Variants in MEGF6 observed in about 807,000 individuals in gnomAD.
The protein encoded by MEGF6 is multiple EGF like domains 6.
MEGF6 carries 184 observed loss-of-function variants against 207.1 expected under a neutral mutation model. The observed-to-expected ratio is 0.89, with a 90% confidence interval of 0.79 to 1.00. The LOEUF (loss-of-function observed/expected upper bound fraction) is 1.00. Among genes scored for constraint, MEGF6 ranks in the 50% least tolerant of loss-of-function variants. MEGF6 has a pLI of 0.00. For synonymous variants in MEGF6, 1,038 were observed against 910.0 expected (o/e 1.14, Z -2.53); for missense variants, 2,282 against 2,202.9 (o/e 1.04, Z -0.72).
In MEGF6 at chr1:3,488,513, T is replaced by C. The variant is rs187631718; in HGVS notation, c.*2015A>G. On this transcript the variant is annotated 3_prime_UTR_variant, in exon 37 of 37. Transcript: ENST00000356575. Reference sequence around the variant, plus strand: ...GAGCACCCTCCTGGCTTCTTTCTCTTCTGGCTGGAGAACGTCTCTAAGAGC... The same window carrying C: ...GAGCACCCTCCTGGCTTCTTTCTCTCCTGGCTGGAGAACGTCTCTAAGAGC... 1.3e-5 allele frequency among the ~76,000 whole-genome samples: 2 copies of C among 152,362 alleles called. No individual in the cohort carries two copies. The highest frequency in any genetic ancestry group is 4.8e-5 in the African/African-American group (2 of 41,588).
At chr1:3,529,232 C>T (rs916678044) in intron 4 of MEGF6, among the ~76,000 whole-genome samples, 1 of 152,190 alleles carries the variant, frequency 6.6e-6, no homozygotes, top group African/African-American at 2.4e-5. Flanking sequence ...CACTGGCCCC[C>T]GAGACTCAGA....
chr1:3,531,226 C>T (rs760883394), intron 4 of MEGF6: 4 of 1,483,066 alleles, frequency 2.7e-6, no homozygotes, highest in South Asian at 2.6e-5. Flanking sequence ...GGCCAGCCCG[C>T]GGTCCCGGGA....
chr1:3,610,480 C>T (rs1644310280), intron 1 of MEGF6, among the ~76,000 whole-genome samples: 1 of 108,846 alleles, frequency 9.2e-6, no homozygotes, highest in Non-Finnish European at 1.9e-5. Flanking sequence ...CTCCCCTCCT[C>T]CTCCTCCTCC....
intron 4 of MEGF6, among the ~76,000 whole-genome samples, chr1:3,536,968 C>T (rs1389943476): frequency 1.3e-5 from 2 of 152,400 alleles, no homozygotes; most frequent in African/African-American, 4.8e-5. Context: ...AGCCTTGCGG[C>T]TCAGGCGCCT....
chr1:3,596,866 T>C (rs1644076477), intron 2 of MEGF6, among the ~76,000 whole-genome samples: 1 of 151,556 alleles, frequency 6.6e-6, no homozygotes, highest in Non-Finnish European at 1.5e-5. Context: ...AGAGGGAAGG[T>C]GGGAGGTGGG....
intron 4 of MEGF6, among the ~76,000 whole-genome samples, chr1:3,537,949 A>C (rs1642384781): frequency 1.3e-5 from 2 of 152,024 alleles, no homozygotes; most frequent in South Asian, 4.2e-4. Flanking sequence ...CAGAGCAGCA[A>C]GGGGCACAGG....
At chr1:3,537,037 G>A (rs750974380) in intron 4 of MEGF6, among the ~76,000 whole-genome samples, 2 of 152,260 alleles carry the variant, frequency 1.3e-5, no homozygotes, top group African/African-American at 4.8e-5. Context: ...ACGCTGCCCT[G>A]GCCTCTGAAT....
chr1:3,604,281 G>A (rs541816921), intron 1 of MEGF6, among the ~76,000 whole-genome samples: 154 of 152,290 alleles, frequency 1.0e-3, no homozygotes, highest in African/African-American at 3.6e-3. Context: ...TTGCCCACCC[G>A]AGGTAGCGTT....
Position 3,511,538 on chromosome 1 carries a change from G to A in MEGF6, c.1114+12C>T. On this transcript the variant is annotated intron_variant, in intron 9 of 36. Coordinates refer to ENST00000356575, the MANE Select transcript of MEGF6 (RefSeq NM_001409.4). The stretch of plus-strand genomic sequence containing the variant: ...AGTGGGGTGCAGGCATCTGGGAGGA[G>A]CCAGTGCGCACCGATGCAGGTCCTC... 1 of 1,597,118 alleles carries A rather than the reference G, an allele frequency of 6.3e-7. No individual in the cohort carries two copies. Among genetic ancestry groups the A allele is most frequent in the Non-Finnish European group, 8.6e-7 (1 of 1,168,440 alleles).
intron 4 of MEGF6, among the ~76,000 whole-genome samples, chr1:3,570,245 T>G (rs116161231): frequency 0.011 from 1,614 of 152,140 alleles, 38 homozygotes; most frequent in African/African-American, 0.036. Context: ...TCAACCCACT[T>G]CAGGCAGAAG....
rs552510953 is a variant in MEGF6, at chr1:3,508,104, C to G, written c.1661-181G>C. 4.6e-5 allele frequency among the ~76,000 whole-genome samples: 7 copies of G among 152,300 alleles called. No homozygotes were observed. The South Asian group carries it at 1.5e-3, about 32-fold the overall frequency. On this transcript the variant is annotated intron_variant, in intron 13 of 36. Transcript: ENST00000356575. ...TCACTAATTGATCACTGACTCCTCT[C>G]TCTGAACACCAGCAGAGAGAGGAGT...
intron 2 of MEGF6, 93 bp downstream of exon 2, chr1:3,602,373 G>C (rs1204635457): frequency 2.6e-6 from 4 of 1,554,688 alleles, no homozygotes; most frequent in Non-Finnish European, 3.5e-6. Flanking sequence ...AGACCAGGAC[G>C]GGGTCCTGGC....
chr1:3,544,503 C>T (rs1220392618), intron 4 of MEGF6, among the ~76,000 whole-genome samples: 6 of 152,156 alleles, frequency 3.9e-5, no homozygotes, highest in South Asian at 2.1e-4. Flanking sequence ...GGGACCCCCA[C>T]GCAGCATCCT....
At chr1:3,589,773 TA>T (rs1431491206) in intron 3 of MEGF6, among the ~76,000 whole-genome samples, 1 of 152,258 alleles carries the variant, frequency 6.6e-6, no homozygotes, top group Non-Finnish European at 1.5e-5. Flanking sequence ...CAACACATTT[TA>T]GGGCACTGTT....
chr1:3,592,273 G>A (rs936879390), intron 3 of MEGF6, among the ~76,000 whole-genome samples: 1 of 152,186 alleles, frequency 6.6e-6, no homozygotes, highest in Admixed American at 6.5e-5. Flanking sequence ...TGCCTAGACT[G>A]GAGGCCTCGT....
chr1:3,530,381 G>A (rs1052933775), intron 4 of MEGF6, among the ~76,000 whole-genome samples: 4 of 152,122 alleles, frequency 2.6e-5, no homozygotes, highest in African/African-American at 4.8e-5. Flanking sequence ...CGGGTGATGC[G>A]GCTGACGACT....
rs1244311904 is a variant in MEGF6, at chr1:3,556,062, C to G, written c.481+23763G>C. 6.6e-6 allele frequency among the ~76,000 whole-genome samples: 1 copy of G among 152,218 alleles called. No individual in the cohort carries two copies. The highest frequency in any genetic ancestry group is 6.5e-5 in the Admixed American group (1 of 15,284). ...CTGGAGTCCGTGGCCAGGGGAGCCC[C>G]TCTCCAAGGTGGGCTGGGTTCAGAG... On this transcript the variant is annotated intron_variant, in intron 4 of 36. Transcript: ENST00000356575. This position sits in a 1 kb window ranked among gnomAD's most constrained non-coding sequence, Gnocchi z 4.4.
intron 4 of MEGF6, among the ~76,000 whole-genome samples, chr1:3,571,393 C>A (rs1393512551): frequency 1.3e-5 from 2 of 152,126 alleles, no homozygotes; most frequent in Non-Finnish European, 2.9e-5. Context: ...GAGACCAAGG[C>A]CAGCCTGCCC....
intron 3 of MEGF6, among the ~76,000 whole-genome samples, chr1:3,585,884 TGTCCTGTGTGTGGACAC>T (rs1203376859): frequency 9.7e-5 from 14 of 144,676 alleles, no homozygotes; most frequent in Middle Eastern, 4.6e-3. Context: ...TGAGGACACA[TGTCCTGTGTGTGGACAC>T]GTCCTGTGTG....
Sources: gnomAD v4.1 joint callset for allele counts (sites outside exome capture counted in the v4.1 genomes callset) on GRCh38, gnomAD v4.1.1 for gene constraint, Gnocchi (gnomAD v3.1) non-coding constraint, MANE v1.5 for transcripts, NCBI Gene and HGNC (gene_info 2026-07-23, HGNC 2026-07-21) for gene names.